Variants in CCAR2 observed in about 807,000 individuals in gnomAD.
CCAR2 encodes cell cycle and apoptosis regulator 2.
CCAR2 carries 21 observed loss-of-function variants against 108.1 expected under a neutral mutation model. The observed-to-expected ratio is 0.19, with a 90% CI of 0.14 to 0.28. The LOEUF is 0.28. CCAR2 is among the 10% of genes least tolerant of loss of function. The pLI, the probability that CCAR2 is intolerant of heterozygous loss-of-function variation, is 1.00. For synonymous variants in CCAR2, 577 were observed against 472.8 expected, an observed-to-expected ratio of 1.22 and a Z score of -2.86; for missense variants, 1,126 against 1,177.0, an observed-to-expected ratio of 0.96 and a Z score of 0.63.
chr8:22,607,075 C>T (rs1801105935), intron 5 of CCAR2, 51 bp downstream of exon 5: 1 of 1,609,350 alleles, frequency 6.2e-7, no homozygotes, highest in Admixed American at 1.7e-5. Context: ...GATGGAAGCC[C>T]CTGTGCCCTG....
intron 20 of CCAR2, 28 bp from the exon 21 acceptor site, chr8:22,619,610 T>G (rs1301769849): frequency 1.3e-6 from 2 of 1,535,260 alleles, no homozygotes; most frequent in Non-Finnish European, 1.8e-6. Context: ...CCAGGCCCGA[T>G]TCTGGGTACA....
At position 22,607,181 on chromosome 8, in the gene CCAR2, G is replaced by A. The variant is rs1563905130; in HGVS notation, c.358-15G>A. ...ACCATGGGGTCCCCTGAATTTCCTG[G>A]CTCCTGTTCTGCAGCCCCTACTGAA... is the stretch of plus-strand genomic sequence containing the variant. On this transcript the variant is annotated splice_polypyrimidine_tract_variant and intron_variant, in intron 5 of 20. Coordinates refer to ENST00000308511, the MANE Select transcript of CCAR2 (RefSeq NM_001393997.1). 1.2e-6 allele frequency: 2 copies of A among 1,613,210 alleles called. No individual in the cohort carries two copies. The highest frequency in any genetic ancestry group is 1.7e-5 in the Admixed American group (1 of 59,908).
Position 22,618,336 on chromosome 8 carries a change from G to A in CCAR2, c.2074-13G>A. ...CTATTTGCAAATCCTGCTCATCTTT[G>A]TTTTCTTTGCAGCCCAAGGAGCTGG... is the stretch of plus-strand genomic sequence containing the variant. On this transcript the variant is annotated splice_polypyrimidine_tract_variant and intron_variant, in intron 16 of 20. Coordinates refer to ENST00000308511, the MANE Select transcript of CCAR2 (RefSeq NM_001393997.1). 6.2e-7 allele frequency: 1 copy of A among 1,614,144 alleles called. No homozygotes were observed. Among genetic ancestry groups the A allele is most frequent in the Admixed American group, 1.7e-5 (1 of 60,032 alleles).
rs775401149 is a variant in CCAR2 at position 22,613,876 on chromosome 8, A to C, written c.705-216A>C. The C allele has an allele frequency of 8.6e-6, 5 of 578,858 alleles. No individual in the cohort carries two copies. The East Asian group carries it at 1.4e-4, about 16-fold the overall frequency. The allele number at this position is 578,858 out of a possible 1,614,324, so 35.9% of individuals were successfully genotyped here. On this transcript the variant is annotated intron_variant, in intron 8 of 20. Coordinates refer to ENST00000308511, the MANE Select transcript of CCAR2 (RefSeq NM_001393997.1). ...ATGACCCATTTCTCTGTCATGTGTT[A>C]TAAGTGTTTTCTTTTTTCCCTTTCC...
In CCAR2 at chr8:22,618,608, T is replaced by G; in HGVS notation, c.2221-9T>G. On this transcript the variant is annotated splice_polypyrimidine_tract_variant and intron_variant, in intron 17 of 20. Transcript: ENST00000308511. Reference sequence around the variant, plus strand: ...GGGGCCTTCTGATCAGCAGATGTGTTTTCTGCAGGCCAAGCAGCTGGTCAG... The same window carrying G: ...GGGGCCTTCTGATCAGCAGATGTGTGTTCTGCAGGCCAAGCAGCTGGTCAG... 6.2e-7 allele frequency: 1 copy of G among 1,614,046 alleles called. No homozygotes were observed. The highest frequency in any genetic ancestry group is 8.5e-7 in the Non-Finnish European group (1 of 1,179,984).
intron 14 of CCAR2, 93 bp downstream of exon 14, chr8:22,616,341 C>G (rs1397125067): frequency 1.0e-5 from 12 of 1,148,032 alleles, no homozygotes. Flanking sequence ...TGTGCCTTAG[C>G]TCATTCCCTG....
At chr8:22,621,437 A>C (rs1287370099), downstream of CCAR2, 1 of 1,613,480 alleles carries the variant, frequency 6.2e-7, no homozygotes, top group East Asian at 2.2e-5. Flanking sequence ...CATCGGCCAC[A>C]ATGGAGAGGG....
intron 6 of CCAR2, among the ~76,000 whole-genome samples, 188 bp from the exon 7 acceptor site, chr8:22,607,781 T>C (rs865810718): frequency 3.7e-4 from 56 of 152,138 alleles, no homozygotes; most frequent in African/African-American, 1.2e-3. Context: ...CCCACCACCA[T>C]GCCCGGCTGA....
At position 22,619,744 on chromosome 8, in the gene CCAR2, C is replaced by T; in HGVS notation, c.*62C>T. On this transcript the variant is annotated 3_prime_UTR_variant, in exon 21 of 21. Coordinates refer to ENST00000308511, the MANE Select transcript of CCAR2 (RefSeq NM_001393997.1). ...GGTGGCGCCCGGCAAAGTTGGAGCC[C>T]TTGCGGTACCAGAAAGCAGCGAGAG... The T allele has an allele frequency of 6.6e-7, 1 of 1,521,882 alleles. No individual in the cohort carries two copies. The highest frequency in any genetic ancestry group is 8.9e-7 in the Non-Finnish European group (1 of 1,123,712). The allele number at this position is 1,521,882 out of a possible 1,614,324, so 94.3% of individuals were successfully genotyped here. A position where few individuals can be genotyped will look rare whatever the true frequency, so the allele number is the denominator to read the frequency against.
At position 22,606,020 on chromosome 8, in the gene CCAR2, C is replaced by T. The variant is rs1023769965; in HGVS notation, c.59-65C>T. On this transcript the variant is annotated intron_variant, in intron 2 of 20. Transcript: ENST00000308511. Reference sequence around the variant, plus strand: ...CTGTAGCCTTTGGATTTACCACATCCTTTGGTTGACTCGTGCTTAAGGTGG... The same window carrying T: ...CTGTAGCCTTTGGATTTACCACATCTTTTGGTTGACTCGTGCTTAAGGTGG... 7 of 1,454,068 alleles carry T rather than the reference C, an allele frequency of 4.8e-6. No homozygotes were observed. The African/African-American group carries it at 8.4e-5, about 17-fold the overall frequency. The allele number at this position is 1,454,068 out of a possible 1,614,324, so 90.1% of individuals were successfully genotyped here. A position where few individuals can be genotyped will look rare whatever the true frequency, so the allele number is the denominator to read the frequency against.
chr8:22,617,462 G>C lies in CCAR2; in HGVS notation c.1888G>C (p.Glu630Gln). 6.2e-7 allele frequency: 1 copy of C among 1,600,262 alleles called. No individual in the cohort carries two copies. The highest frequency in any genetic ancestry group is 8.5e-7 in the Non-Finnish European group (1 of 1,173,572). The change falls in exon 15 of 21, where the codon GAG (glutamate) becomes CAG (glutamine). Residue 630 changes from glutamate (E) to glutamine (Q), a missense_variant. Transcript: ENST00000308511. ...LLPKPLSSGG[E>Q]EEEKPRGEAS... ...GCCCAAACCACTCTCTTCTGGGGGA[G>C]AGGAAGAAGAAAAACCCCGGGGCGA...
In CCAR2 at chr8:22,616,141, A is replaced by AAGGAAGAAGCCACCAAGG. The variant is rs761443167; in HGVS notation, c.1751_1768dup (p.Thr584_Ala589dup). The AAGGAAGAAGCCACCAAGG allele has an allele frequency of 7.9e-5, 127 of 1,613,896 alleles. No homozygotes were observed. The highest frequency in any genetic ancestry group is 4.9e-4 in the Middle Eastern group (3 of 6,082). On this transcript the variant is annotated inframe_insertion, in exon 14 of 21. Transcript: ENST00000308511. ...TGAACCTGAGAAGGAGGAGGCGGCC[A>AAGGAAGAAGCCACCAAGG]AGGAAGAAGCCACCAAGGAGGAAGA...
intron 8 of CCAR2, 35 bp from the exon 9 acceptor site, chr8:22,614,057 T>C (rs558989325): frequency 6.4e-7 from 1 of 1,570,092 alleles, no homozygotes; most frequent in South Asian, 1.1e-5. Flanking sequence ...TTTTAGTCTT[T>C]GCTCAGTCTG....
At chr8:22,607,371 TTTAGATCAATGGACTTTCAGG>T (rs775565585) in intron 6 of CCAR2, 46 bp downstream of exon 6, 1 of 1,598,484 alleles carries the variant, frequency 6.3e-7, no homozygotes, top group Non-Finnish European at 8.5e-7. Context: ...TATGGGGTAG[TTTAGATCAATGGACTTTCAGG>T]TTGCTGCTCT....
rs1255217349 is a variant in CCAR2, at chr8:22,619,849, G to GTGCTAT, written c.*168_*173dup. 5.9e-6 allele frequency: 4 copies of GTGCTAT among 673,954 alleles called. No individual in the cohort carries two copies. Among genetic ancestry groups the GTGCTAT allele is most frequent in the African/African-American group, 1.8e-5 (1 of 55,798 alleles). The allele number at this position is 673,954 out of a possible 1,614,324, so 41.7% of individuals were successfully genotyped here. ...ACGGCAGGCCATCAGGCTGGGGGCT[G>GTGCTAT]TGCTATGTGGGATGGATGTGTGAGG... On this transcript the variant is annotated 3_prime_UTR_variant, in exon 21 of 21. Coordinates refer to ENST00000308511, the MANE Select transcript of CCAR2 (RefSeq NM_001393997.1).
intron 11 of CCAR2, 117 bp from the exon 12 acceptor site, chr8:22,615,308 T>C: frequency 2.4e-6 from 3 of 1,259,734 alleles, no homozygotes; most frequent in East Asian, 2.3e-5. Context: ...CTTCAAAGCT[T>C]GGTTCGCAGT....
chr8:22,618,103 G>T, intron 16 of CCAR2: 1 of 597,692 alleles, frequency 1.7e-6, no homozygotes, highest in Non-Finnish European at 3.0e-6. Flanking sequence ...TTTTAGAGAC[G>T]GGGTTTCGCT....
At chr8:22,611,057 A>G (rs925512833) in intron 7 of CCAR2, among the ~76,000 whole-genome samples, 1 of 149,922 alleles carries the variant, frequency 6.7e-6, no homozygotes, top group Non-Finnish European at 1.5e-5. Flanking sequence ...AATACATAAA[A>G]TTAAAATAAT....
chr8:22,619,030 C>T lies in CCAR2; in HGVS notation c.2521+15C>T. On this transcript the variant is annotated intron_variant, in intron 19 of 20. Transcript: ENST00000308511. Reference sequence around the variant, plus strand: ...GCTGAAGCTGGGTGAGGGCCTGGGGCTGCAGCCACCATGGGGTCACATGCA... The same window carrying T: ...GCTGAAGCTGGGTGAGGGCCTGGGGTTGCAGCCACCATGGGGTCACATGCA... 6.2e-7 allele frequency: 1 copy of T among 1,610,916 alleles called. No individual in the cohort carries two copies. Among genetic ancestry groups the T allele is most frequent in the Non-Finnish European group, 8.5e-7 (1 of 1,178,690 alleles).
Sources: gnomAD v4.1 joint callset for allele counts (sites outside exome capture counted in the v4.1 genomes callset) on GRCh38, gnomAD v4.1.1 for gene constraint, MANE v1.5 for transcripts, NCBI Gene and HGNC (gene_info 2026-07-23, HGNC 2026-07-21) for gene names.